PITPNM2: variants seen among roughly 807,000 people sequenced by gnomAD.
The protein encoded by PITPNM2 is phosphatidylinositol transfer protein membrane associated 2.
A neutral mutation model predicts 132.2 loss-of-function variants in PITPNM2; 35 were observed. The ratio of observed to expected loss-of-function variants is 0.26; its 90% CI spans 0.20 to 0.35. PITPNM2 has a LOEUF of 0.35. Among genes scored for constraint, PITPNM2 ranks in the 10% least tolerant of loss-of-function variants. PITPNM2 has a pLI of 1.00. For missense variants in PITPNM2, 1,332 were observed against 1,912.0 expected (o/e 0.70, Z 5.66); for synonymous variants, 738 against 799.2 (o/e 0.92, Z 1.29).
chr12:123,070,002 G>C (rs1379541545), intron 2 of PITPNM2, among the ~76,000 whole-genome samples: 9 of 152,156 alleles, frequency 5.9e-5, no homozygotes, highest in African/African-American at 2.2e-4. Context: ...CATATGACAA[G>C]CAGGGGCTCA....
In PITPNM2 at chr12:123,077,691, T is replaced by C. The variant is rs969914555; in HGVS notation, c.-96+32694A>G. Among the ~76,000 whole-genome samples, 10 of 152,148 alleles carry C rather than the reference T, an allele frequency of 6.6e-5. No homozygotes were observed. Among genetic ancestry groups the C allele is most frequent in the African/African-American group, 2.4e-4 (10 of 41,432 alleles). On this transcript the variant is annotated intron_variant, in intron 2 of 25. Transcript: ENST00000320201. The surrounding 1 kb of genome is among the most constrained non-coding windows in gnomAD (Gnocchi z 4.8). The stretch of plus-strand genomic sequence containing the variant: ...CCTCTCTCTCTCCCTCCATCCCAGC[T>C]CTTCGGAGAGAAAGCAAGCAGCCCG...
At chr12:123,146,262 G>C (rs1010884977) in intron 1 of PITPNM2, among the ~76,000 whole-genome samples, 3 of 152,132 alleles carry the variant, frequency 2.0e-5, no homozygotes, top group African/African-American at 7.2e-5. Flanking sequence ...CATGACACAA[G>C]TCTACCGACA....
rs142925867 is a variant in PITPNM2, at chr12:123,036,880, C to T, written c.-95-2195G>A. On this transcript the variant is annotated intron_variant, in intron 2 of 25. Transcript: ENST00000320201. This position sits in a 1 kb window ranked among gnomAD's most constrained non-coding sequence, Gnocchi z 4.1. ...CCTCTCCTGCGACCTGTCCACCAGCCTTTCTGATCCCTGATCAACCCCAAA... is the reference window on the plus strand; with the variant it reads ...CCTCTCCTGCGACCTGTCCACCAGCTTTTCTGATCCCTGATCAACCCCAAA... Among the ~76,000 whole-genome samples the T allele has an allele frequency of 5.9e-5, 9 of 152,356 alleles. No homozygotes were observed. The highest frequency in any genetic ancestry group is 1.3e-4 in the Admixed American group (2 of 15,308).
intron 3 of PITPNM2, among the ~76,000 whole-genome samples, chr12:123,017,394 C>A (rs1291517364): frequency 6.6e-6 from 1 of 151,792 alleles, no homozygotes; most frequent in Non-Finnish European, 1.5e-5. Flanking sequence ...AAGTTTAGCA[C>A]TTTCTCAAAA....
Position 123,106,357 on chromosome 12 carries a change from C to T in PITPNM2, c.-96+4028G>A, listed in dbSNP as rs1244193369. Among the ~76,000 whole-genome samples the T allele has an allele frequency of 6.6e-6, 1 of 152,024 alleles. No individual in the cohort carries two copies. ...GAGCCATGATCACACCACTGCACTC[C>T]AGCCTGGGTGGCAGAGCAAGACTCC... On this transcript the variant is annotated intron_variant, in intron 2 of 25. Transcript: ENST00000320201. The surrounding 1 kb of genome is among the most constrained non-coding windows in gnomAD (Gnocchi z 4.4).
chr12:123,110,052 G>A (rs1593021675), intron 2 of PITPNM2, among the ~76,000 whole-genome samples: 1 of 152,200 alleles, frequency 6.6e-6, no homozygotes, highest in Non-Finnish European at 1.5e-5. Context: ...CGAACTCCTG[G>A]GCTCAAGTGA....
Position 123,097,475 on chromosome 12 carries a change from C to T in PITPNM2, c.-96+12910G>A, listed in dbSNP as rs2042441180. On this transcript the variant is annotated intron_variant, in intron 2 of 25. Transcript: ENST00000320201. This position sits in a 1 kb window ranked among gnomAD's most constrained non-coding sequence, Gnocchi z 4.7. Reference sequence around the variant, plus strand: ...TGGCAGACCCTCCCTCGCTCCTCTACCCTCGACCCCACAGGCACAAGTGAG... The same window carrying T: ...TGGCAGACCCTCCCTCGCTCCTCTATCCTCGACCCCACAGGCACAAGTGAG... Among the ~76,000 whole-genome samples the T allele has an allele frequency of 6.6e-6, 1 of 152,204 alleles. No homozygotes were observed. The highest frequency in any genetic ancestry group is 1.5e-5 in the Non-Finnish European group (1 of 68,036).
chr12:123,041,407 C>T (rs2040468177), intron 2 of PITPNM2, among the ~76,000 whole-genome samples: 1 of 152,164 alleles, frequency 6.6e-6, no homozygotes, highest in African/African-American at 2.4e-5. Flanking sequence ...TGCTGTGGTG[C>T]TGGTTGGCCT....
At chr12:123,092,769 TC>T (rs1251311151) in intron 2 of PITPNM2, 2 of 152,190 alleles carry the variant, frequency 1.3e-5, no homozygotes, top group Non-Finnish European at 2.9e-5. Context: ...ATCCTCTCCT[TC>T]CTGATCTCTG....
At chr12:123,103,650 T>C (rs750517877) in intron 2 of PITPNM2, among the ~76,000 whole-genome samples, 1 of 152,188 alleles carries the variant, frequency 6.6e-6, no homozygotes, top group Admixed American at 6.5e-5. Context: ...CATTCATTGT[T>C]TCAGCTGTAA....
At chr12:123,100,552 G>A (rs1418689571) in intron 2 of PITPNM2, among the ~76,000 whole-genome samples, 1 of 152,010 alleles carries the variant, frequency 6.6e-6, no homozygotes, top group Non-Finnish European at 1.5e-5. Context: ...CTTGAGCCTG[G>A]TAGGCGGAAG....
rs996790849 is a variant in PITPNM2 at position 123,040,034 on chromosome 12, G to C, written c.-95-5349C>G. Among the ~76,000 whole-genome samples, 4 of 152,170 alleles carry C rather than the reference G, an allele frequency of 2.6e-5. No individual in the cohort carries two copies. In the East Asian group the frequency reaches 7.7e-4, roughly 29 times the overall value. ...AGTGCCAGCTACTCGGGAGGCTGAG[G>C]TGGGAGGATCCCTTGAGCCCGGGAG... On this transcript the variant is annotated intron_variant, in intron 2 of 25. Coordinates refer to ENST00000320201, the MANE Select transcript of PITPNM2 (RefSeq NM_020845.3).
At chr12:122,988,145 G>C in intron 20 of PITPNM2, 89 bp downstream of exon 20, 1 of 1,184,752 alleles carries the variant, frequency 8.4e-7, no homozygotes. Flanking sequence ...AAGACTGCAG[G>C]CTTCCCTGCA....
intron 1 of PITPNM2, among the ~76,000 whole-genome samples, chr12:123,113,457 TAGAG>T (rs1451965992): frequency 6.6e-6 from 1 of 152,136 alleles, no homozygotes; most frequent in Non-Finnish European, 1.5e-5. Context: ...TCCCAGCACT[TAGAG>T]AGACCAAGGC....
chr12:122,988,429 C>G, intron 19 of PITPNM2, 79 bp from the exon 20 acceptor site: 1 of 1,243,074 alleles, frequency 8.0e-7, no homozygotes, highest in Non-Finnish European at 1.2e-6. Flanking sequence ...AGGCCCAGTA[C>G]CCGGGAGCAA....
At position 122,995,610 on chromosome 12, in the gene PITPNM2, G is replaced by A. The variant is rs149514952; in HGVS notation, c.1833C>T (p.Cys611=). 3.2e-4 allele frequency: 514 copies of A among 1,604,234 alleles called. 2 individuals carry two copies. The highest frequency in any genetic ancestry group is 9.9e-4 in the Admixed American group (59 of 59,772). ...PGILMNAAHC[C]GGGGGGGGGG... ...CGCCACCGCCGCCACCGCCACCACC[G>A]CAGCAGTGTGCTGCATTCATCAGGA... The change falls in exon 14 of 26, where the codon TGC becomes TGT. Residue 611 remains cysteine (C), a synonymous_variant. Coordinates refer to ENST00000320201, the MANE Select transcript of PITPNM2 (RefSeq NM_020845.3).
intron 1 of PITPNM2, among the ~76,000 whole-genome samples, chr12:123,136,249 C>G (rs993130509): frequency 6.6e-6 from 1 of 151,908 alleles, no homozygotes; most frequent in Non-Finnish European, 1.5e-5. Flanking sequence ...TTGCAGTGAG[C>G]CGAGATCGCA....
intron 16 of PITPNM2, among the ~76,000 whole-genome samples, chr12:122,990,993 C>T (rs1342870506): frequency 6.6e-6 from 1 of 152,198 alleles, no homozygotes; most frequent in African/African-American, 2.4e-5. Flanking sequence ...ACACACACCC[C>T]TCAGCTTGTC....
rs916444193 is a variant in PITPNM2, at chr12:123,037,394, C to T, written c.-95-2709G>A. 2.3e-4 allele frequency among the ~76,000 whole-genome samples: 35 copies of T among 152,158 alleles called. 1 individual carries two copies. The highest frequency in any genetic ancestry group is 4.4e-5 in the Non-Finnish European group (3 of 68,030). On this transcript the variant is annotated intron_variant, in intron 2 of 25. Transcript: ENST00000320201. ...TCTTCACGTGGTTCTTCATTGAAGCCCCAGCATCGCCCAACTAGGAAGGCA... is the reference window on the plus strand; with the variant it reads ...TCTTCACGTGGTTCTTCATTGAAGCTCCAGCATCGCCCAACTAGGAAGGCA...
Sources: allele counts gnomAD v4.1 joint callset (sites outside exome capture counted in the v4.1 genomes callset), GRCh38; gene constraint gnomAD v4.1.1; non-coding constraint Gnocchi (gnomAD v3.1); transcripts MANE v1.5; gene names NCBI Gene and HGNC (gene_info 2026-07-23, HGNC 2026-07-21).